DLGAP2: variants seen among roughly 807,000 people sequenced by gnomAD.
The protein encoded by DLGAP2 is disks large-associated protein 2.
In DLGAP2, 26 loss-of-function variants were observed where a neutral mutation model predicts 100.3. The observed-to-expected ratio is 0.26, with a 90% CI of 0.19 to 0.36. The LOEUF (loss-of-function observed/expected upper bound fraction) is 0.36. DLGAP2 is among the 10% of genes least tolerant of loss of function. The pLI is 1.00. For synonymous variants in DLGAP2, 886 were observed against 630.1 expected, an observed-to-expected ratio of 1.41 and a Z score of -6.08; for missense variants, 1,858 against 1,453.2, an observed-to-expected ratio of 1.28 and a Z score of -4.53.
At chr8:1,669,645 G>C in intron 9 of DLGAP2, 98 bp from the exon 10 acceptor site, 1 of 772,638 alleles carries the variant, frequency 1.3e-6, no homozygotes, top group Non-Finnish European at 2.4e-6. Context: ...GTGCGGCGCT[G>C]GTAGCTAGGC....
intron 3 of DLGAP2, among the ~76,000 whole-genome samples, chr8:1,316,627 G>A (rs1800757784): frequency 6.9e-6 from 1 of 145,484 alleles, no homozygotes; most frequent in Admixed American, 6.9e-5. Context: ...GCGTGTGCGA[G>A]TGCAGCGTCT....
chr8:821,945 C>T (rs1353756353), intron 1 of DLGAP2: 4 of 391,640 alleles, frequency 1.0e-5, no homozygotes, highest in African/African-American at 6.2e-5. Context: ...GTTTCTGTGC[C>T]TACTTCTTCT....
intron 12 of DLGAP2, among the ~76,000 whole-genome samples, chr8:1,684,179 A>G (rs1466957728): frequency 6.6e-6 from 1 of 151,044 alleles, no homozygotes; most frequent in Non-Finnish European, 1.5e-5. Context: ...CTGCATTGCT[A>G]TAAACTTTGA....
At chr8:1,328,380 A>G (rs1460726161) in intron 3 of DLGAP2, among the ~76,000 whole-genome samples, 2 of 151,328 alleles carry the variant, frequency 1.3e-5, no homozygotes. Flanking sequence ...GTAGAGTGGC[A>G]TAGTCTTGGC....
At chr8:1,209,235 T>A (rs1442333469) in intron 2 of DLGAP2, among the ~76,000 whole-genome samples, 1 of 152,188 alleles carries the variant, frequency 6.6e-6, no homozygotes, top group African/African-American at 2.4e-5. Flanking sequence ...GGCATCACAT[T>A]ACCCAACTTC....
intron 2 of DLGAP2, among the ~76,000 whole-genome samples, chr8:1,191,446 A>C (rs1489521698): frequency 1.3e-5 from 2 of 152,212 alleles, no homozygotes; most frequent in African/African-American, 2.4e-5. Context: ...CGGGGATTAT[A>C]GGCGTGAGCC....
intron 2 of DLGAP2, among the ~76,000 whole-genome samples, chr8:1,172,220 C>G (rs1484416202): frequency 5.3e-5 from 8 of 152,180 alleles, no homozygotes; most frequent in Non-Finnish European, 1.0e-4. Flanking sequence ...CCCCCACTCT[C>G]TTCTGGCTTG....
chr8:1,522,930 T>A (rs911960211), intron 4 of DLGAP2, among the ~76,000 whole-genome samples: 1 of 152,202 alleles, frequency 6.6e-6, no homozygotes, highest in African/African-American at 2.4e-5. Context: ...GCTTTTTACC[T>A]GGGTGACAGA....
intron 3 of DLGAP2, among the ~76,000 whole-genome samples, chr8:1,457,212 G>A (rs886341233): frequency 7.2e-5 from 11 of 152,006 alleles, no homozygotes; most frequent in African/African-American, 2.4e-4. Flanking sequence ...TATTTGTTTT[G>A]CTTATCTACA....
At chr8:928,627 A>G (rs1798871948) in intron 2 of DLGAP2, among the ~76,000 whole-genome samples, 1 of 152,094 alleles carries the variant, frequency 6.6e-6, no homozygotes, top group Non-Finnish European at 1.5e-5. Flanking sequence ...AAAAAAAAAT[A>G]AAGCACAGGG....
intron 2 of DLGAP2, among the ~76,000 whole-genome samples, chr8:1,240,170 A>G (rs1798754799): frequency 7.2e-6 from 1 of 139,366 alleles, no homozygotes; most frequent in Admixed American, 7.2e-5. Context: ...TGTCATGTCT[A>G]GTTCTCTCTC....
intron 2 of DLGAP2, among the ~76,000 whole-genome samples, chr8:1,087,545 C>T (rs1394590560): frequency 1.8e-5 from 2 of 113,840 alleles, no homozygotes; most frequent in African/African-American, 5.4e-5. Flanking sequence ...TCCTCTTTCT[C>T]TCTCTCTCTT....
chr8:1,359,305 C>A (rs1034758246), intron 3 of DLGAP2, among the ~76,000 whole-genome samples: 1 of 152,230 alleles, frequency 6.6e-6, no homozygotes, highest in South Asian at 2.1e-4. Flanking sequence ...GTCCATGCGC[C>A]CTGGTTAGAC....
intron 3 of DLGAP2, among the ~76,000 whole-genome samples, chr8:1,424,176 A>G (rs1470838898): frequency 6.6e-6 from 1 of 152,200 alleles, no homozygotes; most frequent in Non-Finnish European, 1.5e-5. Context: ...TCTCTCTTTC[A>G]CGCAAGTTGA....
chr8:743,333 G>C (rs971952708), intron 1 of DLGAP2, among the ~76,000 whole-genome samples: 3 of 152,174 alleles, frequency 2.0e-5, no homozygotes, highest in African/African-American at 7.2e-5. Context: ...TTTCAGGGTA[G>C]ACGTTGCATA....
chr8:1,204,368 A>C (rs1797946001), intron 2 of DLGAP2, among the ~76,000 whole-genome samples: 1 of 152,252 alleles, frequency 6.6e-6, no homozygotes, highest in South Asian at 2.1e-4. Flanking sequence ...CTGGGATTTA[A>C]AGAAAGATGG....
At chr8:1,094,125 G>A (rs2129042164) in intron 2 of DLGAP2, among the ~76,000 whole-genome samples, 2 of 152,244 alleles carry the variant, frequency 1.3e-5, no homozygotes, top group Middle Eastern at 6.8e-3. Flanking sequence ...CGTGGAGTGG[G>A]CAGGGGGCAG....
At position 1,334,492 on chromosome 8, in the gene DLGAP2, A is replaced by C. The variant is rs116661149; in HGVS notation, c.106+75609A>C. ...TCAGGCCTACTTTTCGTTCCACTAAATCTTCTGTAAAAGCCACTGGTATGA... is the reference window on the plus strand; with the variant it reads ...TCAGGCCTACTTTTCGTTCCACTAACTCTTCTGTAAAAGCCACTGGTATGA... On this transcript the variant is annotated intron_variant, in intron 3 of 14. Coordinates refer to ENST00000637795, the MANE Select transcript of DLGAP2 (RefSeq NM_001346810.2). Among the ~76,000 whole-genome samples the C allele has an allele frequency of 5.0e-3, 761 of 152,264 alleles. 3 individuals are homozygous for C. The highest frequency in any genetic ancestry group is 0.017 in the African/African-American group (722 of 41,578).
Position 1,540,734 on chromosome 8 carries a change from C to T in DLGAP2, c.173-7892C>T, listed in dbSNP as rs144005423. Among the ~76,000 whole-genome samples, 369 of 152,314 alleles carry T rather than the reference C, an allele frequency of 2.4e-3. 2 individuals are homozygous for T. Among genetic ancestry groups the T allele is most frequent in the African/African-American group, 7.7e-3 (321 of 41,560 alleles). Reference sequence around the variant, plus strand: ...GCCCAGCGTGGGCGGCCGTGACCAGCAGTGCTTCCTCTCAGAAGCTGCCTG... The same window carrying T: ...GCCCAGCGTGGGCGGCCGTGACCAGTAGTGCTTCCTCTCAGAAGCTGCCTG... On this transcript the variant is annotated intron_variant, in intron 4 of 14. Coordinates refer to ENST00000637795, the MANE Select transcript of DLGAP2 (RefSeq NM_001346810.2).
Sources: allele counts gnomAD v4.1 joint callset (sites outside exome capture counted in the v4.1 genomes callset), GRCh38; gene constraint gnomAD v4.1.1; transcripts MANE v1.5; gene names NCBI Gene and HGNC (gene_info 2026-07-23, HGNC 2026-07-21).